The following PTPRT variants were observed in gnomAD, a reference collection of about 807,000 sequenced individuals.
PTPRT encodes protein tyrosine phosphatase receptor type T.
In PTPRT, 56 loss-of-function variants were observed where a neutral mutation model predicts 176.8. The ratio of observed to expected loss-of-function variants is 0.32; its 90% confidence interval spans 0.26 to 0.40. The LOEUF is 0.40. PTPRT is among the 10% of genes least tolerant of loss of function. The probability of loss-of-function intolerance (pLI) is 1.00; values close to 1 mark genes in which losing one functional copy is unlikely to be tolerated. For synonymous variants in PTPRT, 783 were observed against 739.0 expected (o/e 1.06, Z -0.96); for missense variants, 1,540 against 1,908.2 (o/e 0.81, Z 3.60).
At chr20:42,052,115 C>T in the PTPRT span, among the ~76,000 whole-genome samples, 6 of 152,156 alleles carry the variant, frequency 3.9e-5, no homozygotes, top group Admixed American at 1.3e-4. Context: ...CTGTTGGGCA[C>T]GGAAGGACAA....
Position 42,108,921 on chromosome 20 carries a change from A to ATAAAC in PTPRT, c.3254+1407_3254+1411dup, listed in dbSNP as rs554422299. Among the ~76,000 whole-genome samples the ATAAAC allele has an allele frequency of 2.6e-4, 39 of 152,312 alleles. No homozygotes were observed. In the East Asian group the frequency reaches 7.3e-3, roughly 29 times the overall value. ...GCCATCATGCGCCGAAGTCCTGATG[A>ATAAAC]TAAACAAACATTTGCCATTGTCTTT... On this transcript the variant is annotated intron_variant, in intron 23 of 30. Transcript: ENST00000373187.
rs375166166 is a variant in PTPRT at position 42,095,359 on chromosome 20, C to T, written c.3846+3062G>A. ...GTCTTCCATGGCCCTCTGACCTCAC[C>T]TTCTGCTGCTTTCCCCACAGTTGTG... On this transcript the variant is annotated intron_variant, in intron 27 of 30. Coordinates refer to ENST00000373187, the MANE Select transcript of PTPRT (RefSeq NM_007050.6). Among the ~76,000 whole-genome samples the T allele has an allele frequency of 1.7e-4, 26 of 152,328 alleles. 1 individual carries two copies. In the East Asian group the frequency reaches 4.4e-3, roughly 26 times the overall value.
At chr20:42,363,577 T>C (rs1171976618) in intron 9 of PTPRT, among the ~76,000 whole-genome samples, 1 of 151,850 alleles carries the variant, frequency 6.6e-6, no homozygotes, top group Non-Finnish European at 1.5e-5. Flanking sequence ...CCCAAAGTGC[T>C]AGGATTACAG....
intron 2 of PTPRT, among the ~76,000 whole-genome samples, chr20:42,840,387 A>T (rs2078256865): frequency 6.6e-6 from 1 of 151,944 alleles, no homozygotes; most frequent in Admixed American, 6.5e-5. Context: ...GCTTCAACAC[A>T]TCTTTTTTGT....
chr20:42,087,254 G>A (rs1040183694), intron 27 of PTPRT, among the ~76,000 whole-genome samples: 23 of 151,552 alleles, frequency 1.5e-4, no homozygotes, highest in Non-Finnish European at 2.9e-4. Flanking sequence ...TTTTTGAGAC[G>A]GAGTCTCACT....
chr20:42,318,742 C>T (rs1452135858), intron 11 of PTPRT, among the ~76,000 whole-genome samples: 1 of 152,170 alleles, frequency 6.6e-6, no homozygotes, highest in Non-Finnish European at 1.5e-5. Context: ...ATCACATCTA[C>T]ATAACAAGGC....
intron 9 of PTPRT, among the ~76,000 whole-genome samples, chr20:42,414,056 T>C (rs2059041709): frequency 6.6e-6 from 1 of 152,128 alleles, no homozygotes; most frequent in Admixed American, 6.6e-5. Flanking sequence ...GGTCTTAAAC[T>C]CCTAACCTCA....
intron 7 of PTPRT, among the ~76,000 whole-genome samples, chr20:42,645,428 T>C (rs2074869952): frequency 6.6e-6 from 1 of 152,142 alleles, no homozygotes; most frequent in Non-Finnish European, 1.5e-5. Flanking sequence ...TTGGCCACAA[T>C]GGTAACCTGC....
rs915511549 is a variant in PTPRT, at chr20:42,526,956, CTTT to C, written c.1154-54397_1154-54395del. Among the ~76,000 whole-genome samples the C allele has an allele frequency of 2.6e-3, 202 of 78,684 alleles. 1 individual carries two copies. The highest frequency in any genetic ancestry group is 0.015 in the Middle Eastern group (1 of 68). The allele number at this position is 78,684 out of a possible 152,430, so 51.6% of individuals were successfully genotyped here. A position where few individuals can be genotyped will look rare whatever the true frequency, so the allele number is the denominator to read the frequency against. On this transcript the variant is annotated intron_variant, in intron 7 of 30. Transcript: ENST00000373187. ...GAGACTGACTTCTTGGTTCTTTTTT[CTTT>C]TTTTTTTTTTTTTTTTTTTTTTGAG...
intron 1 of PTPRT, among the ~76,000 whole-genome samples, chr20:43,027,807 C>G (rs1265828542): frequency 6.6e-6 from 1 of 152,134 alleles, no homozygotes; most frequent in Non-Finnish European, 1.5e-5. Context: ...CTTCTATTAC[C>G]TACACAGCAC....
At position 42,999,024 on chromosome 20, in the gene PTPRT, C is replaced by G. The variant is rs76952228; in HGVS notation, c.89-113092G>C. ...TTAATTTCAAGTTTATACCTGAATA[C>G]ATTTTGTGCCTCCACCCATTTTTGC... On this transcript the variant is annotated intron_variant, in intron 1 of 30. Coordinates refer to ENST00000373187, the MANE Select transcript of PTPRT (RefSeq NM_007050.6). Among the ~76,000 whole-genome samples the G allele has an allele frequency of 7.8e-4, 119 of 152,312 alleles. 1 individual carries two copies. In the East Asian group the frequency reaches 0.018, roughly 23 times the overall value.
At chr20:42,566,858 A>G (rs865793891) in intron 7 of PTPRT, among the ~76,000 whole-genome samples, 1 of 152,234 alleles carries the variant, frequency 6.6e-6, no homozygotes, top group African/African-American at 2.4e-5. Context: ...CAAATGTGCC[A>G]TGGCAATGTA....
At chr20:43,038,734 A>G (rs1000551578) in intron 1 of PTPRT, among the ~76,000 whole-genome samples, 1 of 152,218 alleles carries the variant, frequency 6.6e-6, no homozygotes, top group African/African-American at 2.4e-5. Context: ...GAAATGATAA[A>G]AGATTTTTAG....
chr20:42,086,347 C>A (rs1478667522), intron 27 of PTPRT, among the ~76,000 whole-genome samples: 3 of 152,140 alleles, frequency 2.0e-5, no homozygotes, highest in Non-Finnish European at 4.4e-5. Context: ...TCCACTTTTT[C>A]TGGTGTTGAA....
chr20:42,776,685 A>G (rs932430597), intron 4 of PTPRT, among the ~76,000 whole-genome samples: 1 of 150,976 alleles, frequency 6.6e-6, no homozygotes, highest in African/African-American at 2.4e-5. Flanking sequence ...CTGTGCATAT[A>G]ATTATATAAT....
At chr20:42,657,586 G>A (rs947896442) in intron 7 of PTPRT, among the ~76,000 whole-genome samples, 1 of 152,066 alleles carries the variant, frequency 6.6e-6, no homozygotes, top group Non-Finnish European at 1.5e-5. Context: ...AAAAATCTGT[G>A]CTTCAATGAA....
At chr20:42,636,705 A>C (rs2074608692) in intron 7 of PTPRT, among the ~76,000 whole-genome samples, 2 of 152,008 alleles carry the variant, frequency 1.3e-5, no homozygotes, top group Non-Finnish European at 2.9e-5. Flanking sequence ...GAATTGCTTG[A>C]ATTCAGGAGG....
At chr20:42,655,423 A>C (rs2075107988) in intron 7 of PTPRT, among the ~76,000 whole-genome samples, 1 of 152,162 alleles carries the variant, frequency 6.6e-6, no homozygotes, top group South Asian at 2.1e-4. Context: ...ACTGGGAGGC[A>C]GAGATTGCAG....
intron 9 of PTPRT, among the ~76,000 whole-genome samples, chr20:42,422,742 C>G (rs559607656): frequency 6.6e-6 from 1 of 152,096 alleles, no homozygotes. Context: ...TAAAGACACA[C>G]GCATGTAGAT....
Sources: gnomAD v4.1 joint callset for allele counts (sites outside exome capture counted in the v4.1 genomes callset) on GRCh38, gnomAD v4.1.1 for gene constraint, MANE v1.5 for transcripts, NCBI Gene and HGNC (gene_info 2026-07-23, HGNC 2026-07-21) for gene names.